Variants in EXOC6 observed in about 807,000 individuals in gnomAD.
EXOC6 encodes SEC15-like 1.
A neutral mutation model predicts 112.5 loss-of-function variants in EXOC6; 60 were observed. The observed-to-expected ratio is 0.53, with a 90% confidence interval of 0.43 to 0.66. The LOEUF is 0.66. Among genes scored for constraint, EXOC6 ranks in the 30% least tolerant of loss-of-function variants. The pLI is 0.00. For synonymous variants in EXOC6, 295 were observed against 308.0 expected (o/e 0.96, Z 0.44); for missense variants, 855 against 957.1 (o/e 0.89, Z 1.41).
At chr10:92,894,027 A>C (rs932586852) in intron 2 of EXOC6, among the ~76,000 whole-genome samples, 1 of 152,206 alleles carries the variant, frequency 6.6e-6, no homozygotes, top group African/African-American at 2.4e-5. Context: ...AGATTTGTTC[A>C]GTCAGGATAA....
intron 5 of EXOC6, among the ~76,000 whole-genome samples, chr10:92,908,305 T>C (rs1850559527): frequency 6.6e-6 from 1 of 152,078 alleles, no homozygotes. Flanking sequence ...CCCGCCCACC[T>C]TAGCCTCCCA....
chr10:92,844,915 C>T (rs1258459217), upstream of EXOC6, among the ~76,000 whole-genome samples: 1 of 152,138 alleles, frequency 6.6e-6, no homozygotes, highest in Non-Finnish European at 1.5e-5. Flanking sequence ...AAATGCCAGA[C>T]CAGAGCAGTT....
chr10:92,909,125 CAAT>C (rs1187555198), intron 5 of EXOC6, among the ~76,000 whole-genome samples: 9 of 152,158 alleles, frequency 5.9e-5, no homozygotes, highest in African/African-American at 2.2e-4. Flanking sequence ...AAGTTTGAAA[CAAT>C]GATACATATT....
intron 6 of EXOC6, among the ~76,000 whole-genome samples, chr10:92,915,401 CA>C (rs752210022): frequency 2.7e-5 from 4 of 149,494 alleles, no homozygotes; most frequent in Admixed American, 6.8e-5. Context: ...ACAAAAAAAA[CA>C]AAAAAACAAA....
chr10:92,979,758 A>C (rs1257285364), intron 18 of EXOC6, among the ~76,000 whole-genome samples: 6 of 151,780 alleles, frequency 4.0e-5, no homozygotes, highest in African/African-American at 9.7e-5. Flanking sequence ...AGTGAACCTC[A>C]TCTCTACAAA....
chr10:92,912,424 G>A (rs188282436), intron 6 of EXOC6, among the ~76,000 whole-genome samples: 6 of 152,104 alleles, frequency 3.9e-5, no homozygotes, highest in African/African-American at 1.4e-4. Context: ...CTGGTCCCAC[G>A]GTGCCTCCAA....
At chr10:92,869,102 G>A (rs890677725) in intron 1 of EXOC6, among the ~76,000 whole-genome samples, 1 of 152,016 alleles carries the variant, frequency 6.6e-6, no homozygotes, top group African/African-American at 2.4e-5. Context: ...ATGTTTTTCA[G>A]CATCTATGAA....
At chr10:92,990,678 A>G (rs930043048) in intron 18 of EXOC6, among the ~76,000 whole-genome samples, 1 of 152,148 alleles carries the variant, frequency 6.6e-6, no homozygotes, top group Non-Finnish European at 1.5e-5. Flanking sequence ...TTTGTTATAT[A>G]AGTAAACATG....
At chr10:92,886,230 T>A (rs1849208056) in intron 1 of EXOC6, among the ~76,000 whole-genome samples, 1 of 152,206 alleles carries the variant, frequency 6.6e-6, no homozygotes, top group Non-Finnish European at 1.5e-5. Flanking sequence ...TTTCAAAGAA[T>A]AATGATTATC....
intron 1 of EXOC6, among the ~76,000 whole-genome samples, chr10:92,837,137 A>ACAC (rs1564760612): frequency 9.8e-4 from 66 of 67,050 alleles, no homozygotes; most frequent in African/African-American, 2.7e-3. Flanking sequence ...CACACACACA[A>ACAC]GCCAGAACAA....
At chr10:92,873,492 C>G (rs1212731129) in intron 1 of EXOC6, among the ~76,000 whole-genome samples, 2 of 151,960 alleles carry the variant, frequency 1.3e-5, no homozygotes, top group African/African-American at 4.8e-5. Flanking sequence ...TATGCTTTTG[C>G]TTGCTCTTGA....
At chr10:92,903,538 G>T (rs1379327726) in intron 5 of EXOC6, among the ~76,000 whole-genome samples, 6 of 151,904 alleles carry the variant, frequency 3.9e-5, no homozygotes, top group Non-Finnish European at 8.8e-5. Flanking sequence ...GGCTTATCTA[G>T]AGATCTCTAA....
chr10:92,928,395 A>T lies in EXOC6; in HGVS notation c.945A>T (p.Arg315Ser). The change falls in exon 9 of 22, where the codon AGA (arginine) becomes AGT (serine). Residue 315 changes from arginine to serine, a missense_variant. Arg to Ser is a moderately radical substitution (Grantham distance 110, BLOSUM62 -1). This residue lies in a region of EXOC6 where 405 missense variants were observed against 393.6 expected (regional missense o/e 1.03). Coordinates refer to ENST00000260762, the MANE Select transcript of EXOC6 (RefSeq NM_019053.6). ...GAAAACAAAGAAAGAAACAAGCAAG[A>T]CTGGTATTGCAACCCCAGTCGAATA... ...YYRKQRKKQA[R>S]LVLQPQSNMH... The T allele has an allele frequency of 1.9e-6, 3 of 1,609,728 alleles. No homozygotes were observed. The highest frequency in any genetic ancestry group is 2.5e-6 in the Non-Finnish European group (3 of 1,177,392).
rs151325883 is a variant in EXOC6, at chr10:93,008,062, A to G, written c.2096-6132A>G. 1.1e-4 allele frequency among the ~76,000 whole-genome samples: 17 copies of G among 152,120 alleles called. No homozygotes were observed. The East Asian group carries it at 3.3e-3, about 30-fold the overall frequency. Reference sequence around the variant, plus strand: ...GTGGTGCATGCCTGTAATCAAAGCTACTCAGGAGGCTGAGGCAGGAGAATC... The same window carrying G: ...GTGGTGCATGCCTGTAATCAAAGCTGCTCAGGAGGCTGAGGCAGGAGAATC... On this transcript the variant is annotated intron_variant, in intron 19 of 21. Coordinates refer to ENST00000260762, the MANE Select transcript of EXOC6 (RefSeq NM_019053.6).
At chr10:93,046,540 A>T (rs1846006947) in intron 20 of EXOC6, among the ~76,000 whole-genome samples, 1 of 152,024 alleles carries the variant, frequency 6.6e-6, no homozygotes, top group African/African-American at 2.4e-5. Flanking sequence ...AAGGAGGGAA[A>T]GGAGACTCCA....
chr10:92,924,939 A>G (rs1053487771), intron 8 of EXOC6, among the ~76,000 whole-genome samples: 1 of 152,130 alleles, frequency 6.6e-6, no homozygotes, highest in African/African-American at 2.4e-5. Context: ...TCTGTTCCTG[A>G]GTTCTGTCAC....
chr10:92,828,014 T>G (rs1449194409), intron 1 of EXOC6, among the ~76,000 whole-genome samples: 1 of 152,232 alleles, frequency 6.6e-6, no homozygotes, highest in Admixed American at 6.5e-5. Context: ...TTGCTGCTTT[T>G]GTATATGGTA....
At chr10:92,917,602 ACAG>A (rs1264593059) in intron 7 of EXOC6, among the ~76,000 whole-genome samples, 1 of 150,460 alleles carries the variant, frequency 6.6e-6, no homozygotes, top group Non-Finnish European at 1.5e-5. Context: ...ATAGCTCACT[ACAG>A]CCTGCAACTT....
At chr10:92,988,434 T>TCCTGTTAC (rs1454052367) in intron 18 of EXOC6, among the ~76,000 whole-genome samples, 4 of 152,324 alleles carry the variant, frequency 2.6e-5, no homozygotes, top group East Asian at 3.9e-4. Flanking sequence ...CTGTTCTTAT[T>TCCTGTTAC]CCTGTTACTG....
Sources: allele counts gnomAD v4.1 joint callset (sites outside exome capture counted in the v4.1 genomes callset), GRCh38; gene constraint gnomAD v4.1.1; regional missense constraint gnomAD v4.1.1; transcripts MANE v1.5; gene names NCBI Gene and HGNC (gene_info 2026-07-23, HGNC 2026-07-21).